The following WDFY2 variants were observed in gnomAD, a reference collection of about 807,000 sequenced individuals.
The protein encoded by WDFY2 is WD repeat and FYVE domain-containing protein 2.
Under a neutral mutation model 56.4 loss-of-function variants are expected in WDFY2, and 36 were observed. The observed-to-expected ratio is 0.64, with a 90% confidence interval of 0.49 to 0.84. WDFY2 has a LOEUF of 0.84. Among genes scored for constraint, WDFY2 ranks in the 40% least tolerant of loss-of-function variants. WDFY2 has a pLI of 0.00. For missense variants in WDFY2, 444 were observed against 512.2 expected (o/e 0.87, Z 1.29); for synonymous variants, 176 against 183.7 (o/e 0.96, Z 0.34).
At position 51,703,580 on chromosome 13, in the gene WDFY2, T is replaced by C. The variant is rs1952027811; in HGVS notation, c.280-16T>C. On this transcript the variant is annotated splice_polypyrimidine_tract_variant and intron_variant, in intron 3 of 11. Coordinates refer to ENST00000298125, the MANE Select transcript of WDFY2 (RefSeq NM_052950.4). Reference sequence around the variant, plus strand: ...AAGAATTTATTTTTGTTTAATAGTTTTCTTTTCTTTTACAGGAGTTTATAT... The same window carrying C: ...AAGAATTTATTTTTGTTTAATAGTTCTCTTTTCTTTTACAGGAGTTTATAT... The C allele has an allele frequency of 6.4e-7, 1 of 1,566,172 alleles. No individual in the cohort carries two copies. Among genetic ancestry groups the C allele is most frequent in the African/African-American group, 1.4e-5 (1 of 73,402 alleles).
At chr13:51,677,884 G>A (rs773032613) in intron 3 of WDFY2, among the ~76,000 whole-genome samples, 63 of 152,216 alleles carry the variant, frequency 4.1e-4, no homozygotes, top group Non-Finnish European at 8.4e-4. Flanking sequence ...AGAGAGAAAT[G>A]TCATTCAGTT....
At chr13:51,713,371 A>G (rs1952267646) in intron 4 of WDFY2, among the ~76,000 whole-genome samples, 1 of 152,240 alleles carries the variant, frequency 6.6e-6, no homozygotes, top group South Asian at 2.1e-4. Flanking sequence ...GCAGAGGCTC[A>G]AGCAGATATA....
chr13:51,658,563 A>T (rs939366837), intron 1 of WDFY2, among the ~76,000 whole-genome samples: 1 of 152,144 alleles, frequency 6.6e-6, no homozygotes, highest in Non-Finnish European at 1.5e-5. Flanking sequence ...TAGTGGAGGG[A>T]CTGATTTTGG....
At chr13:51,596,842 C>CACG in intron 1 of WDFY2, among the ~76,000 whole-genome samples, 1 of 152,328 alleles carries the variant, frequency 6.6e-6, no homozygotes, top group East Asian at 1.9e-4. Flanking sequence ...GAAGTTGCAG[C>CACG]TGTACACCAC....
At chr13:51,674,997 A>G (rs1566106913) in intron 2 of WDFY2, among the ~76,000 whole-genome samples, 173 bp from the exon 3 acceptor site, 1 of 152,184 alleles carries the variant, frequency 6.6e-6, no homozygotes, top group Non-Finnish European at 1.5e-5. Context: ...CTGAACAACT[A>G]TGGGGTGGCT....
intron 7 of WDFY2, among the ~76,000 whole-genome samples, chr13:51,746,915 C>T (rs1953116928): frequency 6.6e-6 from 1 of 152,246 alleles, no homozygotes; most frequent in Non-Finnish European, 1.5e-5. Flanking sequence ...TAGCAGTTCA[C>T]ATTCAAGAAG....
rs61355886 is a variant in WDFY2 at position 51,750,537 on chromosome 13, C to CAAA, written c.726-761_726-759dup. On this transcript the variant is annotated intron_variant, in intron 7 of 11. Coordinates refer to ENST00000298125, the MANE Select transcript of WDFY2 (RefSeq NM_052950.4). ...TTTGAGCTCAAAATAGACGAACATA[C>CAAA]AAAAAAAAAAAAAAGACCAAGAAAC... Among the ~76,000 whole-genome samples, 363 of 139,308 alleles carry CAAA rather than the reference C, an allele frequency of 2.6e-3. 1 individual carries two copies. The highest frequency in any genetic ancestry group is 7.8e-3 in the African/African-American group (293 of 37,708). The allele number at this position is 139,308 out of a possible 152,430, so 91.4% of individuals were successfully genotyped here. A position where few individuals can be genotyped will look rare whatever the true frequency, so the allele number is the denominator to read the frequency against.
chr13:51,628,131 T>C (rs949215669), intron 1 of WDFY2, among the ~76,000 whole-genome samples: 3 of 152,210 alleles, frequency 2.0e-5, no homozygotes, highest in Non-Finnish European at 2.9e-5. Flanking sequence ...GTCTGCGTCC[T>C]GGCATCAACA....
At chr13:51,611,382 A>AT (rs1178601805) in intron 1 of WDFY2, among the ~76,000 whole-genome samples, 7 of 152,132 alleles carry the variant, frequency 4.6e-5, no homozygotes, top group East Asian at 1.9e-4. Flanking sequence ...CTATTTTGTG[A>AT]TTTTTTTAAA....
intron 8 of WDFY2, chr13:51,752,866 CT>C (rs1264078902): frequency 6.6e-6 from 1 of 152,184 alleles, no homozygotes; most frequent in Non-Finnish European, 1.5e-5. Flanking sequence ...ATCTTAGCCT[CT>C]GTGGAGCTGC....
chr13:51,723,357 C>T (rs1480686650), intron 5 of WDFY2, among the ~76,000 whole-genome samples: 1 of 152,136 alleles, frequency 6.6e-6, no homozygotes, highest in African/African-American at 2.4e-5. Context: ...TTGAAAATGG[C>T]TTTTGTGCAG....
In WDFY2 at chr13:51,601,240, A is replaced by G. The variant is rs543419367; in HGVS notation, c.137+16416A>G. 7.7e-4 allele frequency among the ~76,000 whole-genome samples: 117 copies of G among 152,316 alleles called. 5 individuals are homozygous for G. In the South Asian group the frequency reaches 0.024, roughly 31 times the overall value. On this transcript the variant is annotated intron_variant, in intron 1 of 11. Coordinates refer to ENST00000298125, the MANE Select transcript of WDFY2 (RefSeq NM_052950.4). ...CATGAAACTAGACTGCCAAGCATAT[A>G]TGGGCACAGCATATATCCTATCTCA... is the stretch of plus-strand genomic sequence containing the variant.
In WDFY2 at chr13:51,637,707, G is replaced by C. The variant is rs1955079024; in HGVS notation, c.138-22889G>C. 1.3e-5 allele frequency among the ~76,000 whole-genome samples: 2 copies of C among 152,174 alleles called. 1 individual carries two copies. Among genetic ancestry groups the C allele is most frequent in the Non-Finnish European group, 2.9e-5 (2 of 68,026 alleles). On this transcript the variant is annotated intron_variant, in intron 1 of 11. Transcript: ENST00000298125. ...GAGTAGGGCATTCCTGAAAGTAAAAGGAGGAATGCGTCCACCCTAGGTACA... is the reference window on the plus strand; with the variant it reads ...GAGTAGGGCATTCCTGAAAGTAAAACGAGGAATGCGTCCACCCTAGGTACA...
intron 3 of WDFY2, among the ~76,000 whole-genome samples, chr13:51,689,924 T>C (rs1956123187): frequency 1.3e-5 from 2 of 152,142 alleles, no homozygotes; most frequent in South Asian, 4.1e-4. Context: ...ACTAAGATGT[T>C]ACTTGCCTTT....
intron 1 of WDFY2, among the ~76,000 whole-genome samples, chr13:51,654,236 T>C (rs1337336952): frequency 5.9e-5 from 9 of 152,240 alleles, no homozygotes. Flanking sequence ...GTGTGCCGTT[T>C]GCTAAGACTG....
chr13:51,633,597 G>C (rs144417395), intron 1 of WDFY2, among the ~76,000 whole-genome samples: 2 of 152,090 alleles, frequency 1.3e-5, no homozygotes, highest in Non-Finnish European at 2.9e-5. Context: ...TCTTCTCAAG[G>C]GGTCACTTTT....
intron 6 of WDFY2, among the ~76,000 whole-genome samples, chr13:51,730,935 C>T (rs1332794854): frequency 6.6e-6 from 1 of 152,144 alleles, no homozygotes; most frequent in Non-Finnish European, 1.5e-5. Flanking sequence ...TCACTGAGAC[C>T]ATGCTGGGCA....
At chr13:51,585,582 T>G (rs1953921408) in intron 1 of WDFY2, among the ~76,000 whole-genome samples, 1 of 152,272 alleles carries the variant, frequency 6.6e-6, no homozygotes, top group Non-Finnish European at 1.5e-5. Flanking sequence ...GTTTTCGCTT[T>G]AACTGAATTT....
At chr13:51,748,113 A>AC in intron 7 of WDFY2, among the ~76,000 whole-genome samples, 1 of 152,168 alleles carries the variant, frequency 6.6e-6, no homozygotes, top group Non-Finnish European at 1.5e-5. Context: ...CCCACATTCC[A>AC]CATCTGCTAC....
Sources: gnomAD v4.1 joint callset for allele counts (sites outside exome capture counted in the v4.1 genomes callset) on GRCh38, gnomAD v4.1.1 for gene constraint, MANE v1.5 for transcripts, NCBI Gene and HGNC (gene_info 2026-07-23, HGNC 2026-07-21) for gene names.